The following NFASC variants were observed in gnomAD, a reference collection of about 807,000 sequenced individuals.
NFASC encodes neurofascin.
A neutral mutation model predicts 147.5 loss-of-function variants in NFASC; 43 were observed. The ratio of observed to expected loss-of-function variants is 0.29; its 90% CI spans 0.23 to 0.38. NFASC has a LOEUF of 0.38. Among genes scored for constraint, NFASC ranks in the 10% least tolerant of loss-of-function variants. The pLI is 1.00. For missense variants in NFASC, 1,320 were observed against 1,689.0 expected (o/e 0.78, Z 3.83); for synonymous variants, 622 against 665.5 (o/e 0.93, Z 1.01).
chr1:204,917,773 A>G (rs1485622923), intron 1 of NFASC, among the ~76,000 whole-genome samples: 1 of 152,106 alleles, frequency 6.6e-6, no homozygotes, highest in Non-Finnish European at 1.5e-5. Flanking sequence ...TTGGTATGAC[A>G]GTATGTTTAG....
At chr1:204,895,051 T>A (rs1324400484) in intron 1 of NFASC, among the ~76,000 whole-genome samples, 1 of 152,222 alleles carries the variant, frequency 6.6e-6, no homozygotes, top group East Asian at 1.9e-4. Context: ...ATGTCTTCTG[T>A]GTTGCTTGCA....
intron 2 of NFASC, among the ~76,000 whole-genome samples, chr1:204,935,676 A>G (rs1010726761): frequency 6.6e-6 from 1 of 152,110 alleles, no homozygotes; most frequent in African/African-American, 2.4e-5. Context: ...AGTAGGAGTG[A>G]TCCGAAATGG....
intron 16 of NFASC, chr1:204,977,118 T>C (rs910476370): frequency 9.3e-6 from 11 of 1,179,900 alleles, no homozygotes; most frequent in East Asian, 4.0e-5. Context: ...CACCACTAAG[T>C]CAATTAAAAC....
intron 1 of NFASC, among the ~76,000 whole-genome samples, chr1:204,912,761 G>A (rs558532726): frequency 1.3e-5 from 2 of 152,190 alleles, no homozygotes; most frequent in Non-Finnish European, 2.9e-5. Context: ...GCTCATGCCT[G>A]TAATCCCAAC....
intron 2 of NFASC, among the ~76,000 whole-genome samples, chr1:204,934,215 T>G (rs930403040): frequency 2.6e-5 from 4 of 151,254 alleles, no homozygotes; most frequent in Non-Finnish European, 5.9e-5. Flanking sequence ...GAGAAGAGTT[T>G]GGAAGTTCTG....
intron 14 of NFASC, 62 bp downstream of exon 14, chr1:204,974,885 A>G (rs1365404123): frequency 1.3e-6 from 2 of 1,519,122 alleles, no homozygotes; most frequent in African/African-American, 2.7e-5. Context: ...GCTGGCAGTT[A>G]TCCACATACA....
At chr1:204,962,346 G>A (rs1158229248) in intron 8 of NFASC, among the ~76,000 whole-genome samples, 1 of 152,232 alleles carries the variant, frequency 6.6e-6, no homozygotes, top group Non-Finnish European at 1.5e-5. Flanking sequence ...ACCTGGTGGT[G>A]TGGTCTCCTC....
Position 204,988,296 on chromosome 1 carries a change from T to C in NFASC, c.2594-337T>C, listed in dbSNP as rs115588231. 3.1e-3 allele frequency among the ~76,000 whole-genome samples: 466 copies of C among 152,348 alleles called. 1 individual carries two copies. The highest frequency in any genetic ancestry group is 5.0e-3 in the Non-Finnish European group (342 of 68,036). On this transcript the variant is annotated intron_variant, in intron 22 of 29. Coordinates refer to ENST00000339876, the MANE Select transcript of NFASC (RefSeq NM_001005388.3). Reference sequence around the variant, plus strand: ...AAAGGCCTAGTGGCGTTGTCCTAGTTCTGTTTGAAAGGAAGAAAGAAAGTG... The same window carrying C: ...AAAGGCCTAGTGGCGTTGTCCTAGTCCTGTTTGAAAGGAAGAAAGAAAGTG...
At position 205,002,726 on chromosome 1, in the gene NFASC, C is replaced by T. The variant is rs1204415986; in HGVS notation, c.3267C>T (p.Val1089=). The change falls in exon 27 of 30, where the codon GTC becomes GTT. Residue 1089 remains valine, a synonymous_variant. Coordinates refer to ENST00000339876, the MANE Select transcript of NFASC (RefSeq NM_001005388.3). ...ACAACGAGGGCATCAGCAGTACCGTCATCACCTTTATGACCAGTACAGGTG... is the reference window on the plus strand; with the variant it reads ...ACAACGAGGGCATCAGCAGTACCGTTATCACCTTTATGACCAGTACAGGTG... ...SRDNEGISST[V]ITFMTSTAYT... is the part of the protein sequence containing the mutation. The T allele has an allele frequency of 4.5e-6, 7 of 1,556,512 alleles. No individual in the cohort carries two copies. The highest frequency in any genetic ancestry group is 6.1e-6 in the Non-Finnish European group (7 of 1,139,500).
chr1:205,002,589 T>C lies in NFASC; in HGVS notation c.3137-7T>C. ...GCTCTAGGCTGATTGAGGTTTCTGT[T>C]CCCCAGGCAACCATACGAAAAAAAC... On this transcript the variant is annotated splice_polypyrimidine_tract_variant and splice_region_variant and intron_variant, in intron 26 of 29. Transcript: ENST00000339876. The C allele has an allele frequency of 1.3e-6, 2 of 1,483,702 alleles. No individual in the cohort carries two copies. Among genetic ancestry groups the C allele is most frequent in the Non-Finnish European group, 1.8e-6 (2 of 1,097,072 alleles). The allele number at this position is 1,483,702 out of a possible 1,614,324, so 91.9% of individuals were successfully genotyped here. A position where few individuals can be genotyped will look rare whatever the true frequency, so the allele number is the denominator to read the frequency against.
Position 204,954,471 on chromosome 1 carries a change from C to G in NFASC, c.412+87C>G. 8.5e-6 allele frequency: 11 copies of G among 1,300,244 alleles called. No homozygotes were observed. The highest frequency in any genetic ancestry group is 1.2e-5 in the Non-Finnish European group (11 of 937,426). The allele number at this position is 1,300,244 out of a possible 1,614,324, so 80.5% of individuals were successfully genotyped here. A position where few individuals can be genotyped will look rare whatever the true frequency, so the allele number is the denominator to read the frequency against. ...TGGAAGGCCATTCCAGAAGGGCTGC[C>G]CCTGCCCTTGGCCTGCAGTTGCCTT... On this transcript the variant is annotated intron_variant, in intron 6 of 29. Transcript: ENST00000339876. The surrounding 1 kb of genome is among the most constrained non-coding windows in gnomAD (Gnocchi z 5.7).
At chr1:204,932,654 G>A (rs186963218) in intron 2 of NFASC, among the ~76,000 whole-genome samples, 3 of 152,334 alleles carry the variant, frequency 2.0e-5, no homozygotes, top group Admixed American at 2.0e-4. Context: ...AGACACGCCT[G>A]TTCACTCACT....
chr1:205,002,464 G>A (rs2096009443), intron 26 of NFASC, 132 bp from the exon 27 acceptor site: 1 of 620,308 alleles, frequency 1.6e-6, no homozygotes, highest in South Asian at 4.0e-5. Flanking sequence ...TGGTCTGTAT[G>A]GTGGACTGGA....
intron 1 of NFASC, among the ~76,000 whole-genome samples, chr1:204,858,940 C>T (rs1205947842): frequency 6.6e-6 from 1 of 152,078 alleles, no homozygotes; most frequent in Admixed American, 6.5e-5. Context: ...GTTTTACCAC[C>T]CGTCTCTTGC....
At chr1:204,830,895 C>A (rs1672043346) in intron 1 of NFASC, among the ~76,000 whole-genome samples, 1 of 152,200 alleles carries the variant, frequency 6.6e-6, no homozygotes, top group East Asian at 1.9e-4. Context: ...CCTTCAGCTC[C>A]TGTGCAGTAA....
intron 16 of NFASC, chr1:204,977,261 T>C (rs1015797428): frequency 5.9e-6 from 2 of 341,098 alleles, no homozygotes; most frequent in Non-Finnish European, 8.9e-6. Flanking sequence ...CAAGATGACG[T>C]TGTGTCTTCC....
At chr1:204,988,950 A>C (rs2095666731) in intron 23 of NFASC, 144 bp downstream of exon 23, 1 of 728,626 alleles carries the variant, frequency 1.4e-6, no homozygotes, top group African/African-American at 1.8e-5. Flanking sequence ...GTGAGAACCC[A>C]TCTTATGTGT....
intron 1 of NFASC, among the ~76,000 whole-genome samples, chr1:204,919,507 T>C (rs1447085307): frequency 6.6e-6 from 1 of 152,222 alleles, no homozygotes; most frequent in Non-Finnish European, 1.5e-5. Context: ...TGTAGGTATA[T>C]AGGATATATT....
intron 1 of NFASC, among the ~76,000 whole-genome samples, chr1:204,918,584 CTTT>C (rs71147720): frequency 4.8e-5 from 6 of 124,818 alleles, no homozygotes; most frequent in Non-Finnish European, 4.9e-5. Flanking sequence ...TTCTTTGAAA[CTTT>C]TTTTTTTTTT....
Sources: allele counts gnomAD v4.1 joint callset (sites outside exome capture counted in the v4.1 genomes callset), GRCh38; gene constraint gnomAD v4.1.1; non-coding constraint Gnocchi (gnomAD v3.1); transcripts MANE v1.5; gene names NCBI Gene and HGNC (gene_info 2026-07-23, HGNC 2026-07-21).